Variants in SAFB2 observed in about 807,000 individuals in gnomAD.
SAFB2 encodes the protein scaffold attachment factor B2.
Under a neutral mutation model 100.6 loss-of-function variants are expected in SAFB2, and 32 were observed. That is an observed-to-expected ratio of 0.32 (90% CI 0.24 to 0.43). The LOEUF (loss-of-function observed/expected upper bound fraction) is 0.43, where lower values mean the gene tolerates loss of function less well. Among genes scored for constraint, SAFB2 ranks in the 20% least tolerant of loss-of-function variants. SAFB2 has a pLI of 1.00. For synonymous variants in SAFB2, 500 were observed against 439.4 expected, an observed-to-expected ratio of 1.14 and a Z score of -1.72; for missense variants, 1,185 against 1,163.4, an observed-to-expected ratio of 1.02 and a Z score of -0.27.
chr19:5,616,085 T>A, intron 4 of SAFB2, 47 bp downstream of exon 4: 3 of 1,574,636 alleles, frequency 1.9e-6, no homozygotes, highest in Non-Finnish European at 2.6e-6. Context: ...GAGCACCAGG[T>A]GCCTCGGGGC....
At chr19:5,617,766 T>C (rs2053062929) in intron 2 of SAFB2, among the ~76,000 whole-genome samples, 1 of 152,148 alleles carries the variant, frequency 6.6e-6, no homozygotes, top group Non-Finnish European at 1.5e-5. Context: ...GTGCCAATGC[T>C]GAGAAACCCT....
In SAFB2 at chr19:5,593,939, C is replaced by G; in HGVS notation, c.2159G>C (p.Arg720Pro). 4 of 1,553,104 alleles carry G rather than the reference C, an allele frequency of 2.6e-6. No homozygotes were observed. The highest frequency in any genetic ancestry group is 3.5e-6 in the Non-Finnish European group (4 of 1,159,260). The stretch of plus-strand genomic sequence containing the variant: ...CCCGGGCCGCCGCTCCTGCTCGTAA[C>G]GCAGCTGCTCCTGCTGGCGCCGCAG... ...EELRRQQEQL[R>P]YEQERRPGRR... The change falls in exon 15 of 21, where the codon CGT becomes CCT. Residue 720 changes from arginine to proline, a missense_variant. Around this residue, in one of 3 missense-constraint regions of SAFB2, gnomAD observed 740 missense variants for 687.1 expected, o/e 1.08. Coordinates refer to ENST00000252542, the MANE Select transcript of SAFB2 (RefSeq NM_014649.3).
intron 11 of SAFB2, among the ~76,000 whole-genome samples, chr19:5,603,376 T>C (rs1055831894): frequency 3.3e-5 from 5 of 152,264 alleles, no homozygotes; most frequent in East Asian, 1.9e-4. Flanking sequence ...TCCACAGACA[T>C]GTTTACCCTC....
intron 11 of SAFB2, among the ~76,000 whole-genome samples, chr19:5,602,321 AC>A (rs1213471620): frequency 6.6e-6 from 1 of 151,718 alleles, no homozygotes; most frequent in Non-Finnish European, 1.5e-5. Context: ...ACTAAAAAAT[AC>A]AAAAAAAATT....
intron 17 of SAFB2, among the ~76,000 whole-genome samples, chr19:5,590,778 C>A (rs539356011): frequency 6.6e-6 from 1 of 152,240 alleles, no homozygotes; most frequent in Non-Finnish European, 1.5e-5. Context: ...GGTCAGCCCC[C>A]CTGTGCTCTG....
chr19:5,609,855 C>T (rs1311476585), intron 9 of SAFB2, 140 bp downstream of exon 9: 1 of 714,544 alleles, frequency 1.4e-6, no homozygotes, highest in African/African-American at 1.8e-5. Context: ...CCAGGCTGGT[C>T]TTGAACTCCT....
At chr19:5,619,253 T>A (rs1480633145) in intron 2 of SAFB2, among the ~76,000 whole-genome samples, 1 of 152,192 alleles carries the variant, frequency 6.6e-6, no homozygotes, top group Admixed American at 6.5e-5. Context: ...GGATGGAAGA[T>A]GAGGCCTGCA....
chr19:5,608,489 AAC>A (rs1397416696), intron 9 of SAFB2, among the ~76,000 whole-genome samples: 1 of 152,224 alleles, frequency 6.6e-6, no homozygotes, highest in Non-Finnish European at 1.5e-5. Flanking sequence ...GCCCTTGCTG[AAC>A]ACACAGACTG....
intron 16 of SAFB2, 109 bp downstream of exon 16, chr19:5,592,638 C>T (rs1445942257): frequency 3.9e-6 from 5 of 1,265,866 alleles, no homozygotes; most frequent in Admixed American, 4.2e-5. Flanking sequence ...CAGAAGTAAA[C>T]GAGGCTTCAG....
At chr19:5,596,271 A>G (rs1229353131) in intron 13 of SAFB2, among the ~76,000 whole-genome samples, 2 of 152,216 alleles carry the variant, frequency 1.3e-5, no homozygotes, top group Non-Finnish European at 2.9e-5. Flanking sequence ...TCAAATAAAT[A>G]AAGAGAATAT....
At chr19:5,600,331 C>G in intron 11 of SAFB2, 71 bp from the exon 12 acceptor site, 1 of 1,576,784 alleles carries the variant, frequency 6.3e-7, no homozygotes, top group Non-Finnish European at 8.6e-7. Flanking sequence ...CCCAGAGCCT[C>G]GACTCACACA....
intron 15 of SAFB2, 54 bp from the exon 16 acceptor site, chr19:5,592,941 G>A (rs1006211904): frequency 5.6e-5 from 87 of 1,566,516 alleles, no homozygotes; most frequent in Non-Finnish European, 7.4e-5. Flanking sequence ...AGAGGAGGAG[G>A]AAAAAAGGAG....
Position 5,620,608 on chromosome 19 carries a change from T to G in SAFB2, c.274+701A>C, listed in dbSNP as rs76586344. Among the ~76,000 whole-genome samples the G allele has an allele frequency of 9.8e-3, 1,488 of 152,350 alleles. 22 individuals carry two copies. The highest frequency in any genetic ancestry group is 0.034 in the African/African-American group (1,403 of 41,582). ...GTTGTACAATTCCATCTACATGAAATGTCCACAATAGGCAAATCTATGCGG... is the reference window on the plus strand; with the variant it reads ...GTTGTACAATTCCATCTACATGAAAGGTCCACAATAGGCAAATCTATGCGG... On this transcript the variant is annotated intron_variant, in intron 2 of 20. Coordinates refer to ENST00000252542, the MANE Select transcript of SAFB2 (RefSeq NM_014649.3).
chr19:5,594,417 C>T (rs1159510034), intron 14 of SAFB2, among the ~76,000 whole-genome samples: 1 of 152,224 alleles, frequency 6.6e-6, no homozygotes, highest in Admixed American at 6.5e-5. Flanking sequence ...TTTCCAAATG[C>T]TGTGAGCACA....
At chr19:5,615,392 A>G (rs1367024363) in intron 4 of SAFB2, among the ~76,000 whole-genome samples, 1 of 151,032 alleles carries the variant, frequency 6.6e-6, no homozygotes, top group African/African-American at 2.4e-5. Context: ...CATTAGGAGG[A>G]ATATCTACAT....
intron 2 of SAFB2, among the ~76,000 whole-genome samples, chr19:5,616,961 T>C (rs2053047402): frequency 6.6e-6 from 1 of 152,168 alleles, no homozygotes; most frequent in South Asian, 2.1e-4. Flanking sequence ...CAATTGGTGT[T>C]CTAAGTAAGC....
chr19:5,591,568 A>C, intron 17 of SAFB2, 180 bp downstream of exon 17: 2 of 589,014 alleles, frequency 3.4e-6, no homozygotes, highest in Non-Finnish European at 6.0e-6. Flanking sequence ...ATGAGCCACC[A>C]CGTCCGACTA....
intron 2 of SAFB2, among the ~76,000 whole-genome samples, chr19:5,619,820 G>C (rs1173941555): frequency 1.3e-5 from 2 of 151,330 alleles, no homozygotes; most frequent in African/African-American, 4.9e-5. Flanking sequence ...ACTCCAGCCT[G>C]GGCAACAACA....
At chr19:5,616,018 G>T (rs1211439736) in intron 4 of SAFB2, 114 bp downstream of exon 4, 5 of 926,350 alleles carry the variant, frequency 5.4e-6, no homozygotes, top group African/African-American at 1.6e-5. Context: ...GGGTGTAGAA[G>T]CAGAACTGTG....
Sources: allele counts gnomAD v4.1 joint callset (sites outside exome capture counted in the v4.1 genomes callset), GRCh38; gene constraint gnomAD v4.1.1; regional missense constraint gnomAD v4.1.1; transcripts MANE v1.5; gene names NCBI Gene and HGNC (gene_info 2026-07-23, HGNC 2026-07-21).